MBNL1: variants seen among roughly 807,000 people sequenced by gnomAD.
MBNL1 encodes muscleblind-like protein 1.
MBNL1 carries 8 observed loss-of-function variants against 42.2 expected under a neutral mutation model. The observed-to-expected ratio is 0.19, with a 90% CI of 0.11 to 0.34. The LOEUF (loss-of-function observed/expected upper bound fraction) is 0.34, where lower values mean the gene tolerates loss of function less well. Among genes scored for constraint, MBNL1 ranks in the 10% least tolerant of loss-of-function variants. MBNL1 has a pLI of 1.00. For synonymous variants in MBNL1, 169 were observed against 173.9 expected, an observed-to-expected ratio of 0.97 and a Z score of 0.22; for missense variants, 309 against 495.3, an observed-to-expected ratio of 0.62 and a Z score of 3.57.
intron 2 of MBNL1, among the ~76,000 whole-genome samples, chr3:152,312,109 G>C (rs549271627): frequency 2.7e-5 from 4 of 149,698 alleles, no homozygotes; most frequent in South Asian, 2.1e-4. Flanking sequence ...GGAGAATGGC[G>C]TGAACCCGGG....
chr3:152,348,279 T>C (rs1282721968), intron 2 of MBNL1, among the ~76,000 whole-genome samples: 1 of 152,132 alleles, frequency 6.6e-6, no homozygotes, highest in Non-Finnish European at 1.5e-5. Flanking sequence ...TTTTATTTGC[T>C]CAAACAGGTG....
intron 6 of MBNL1, among the ~76,000 whole-genome samples, chr3:152,452,448 G>A (rs1402173605): frequency 3.3e-5 from 5 of 152,158 alleles, no homozygotes; most frequent in Non-Finnish European, 5.9e-5. Context: ...GTACAGTCTA[G>A]TATTCTCAGA....
At chr3:152,445,827 A>G (rs1483882078) in intron 5 of MBNL1, among the ~76,000 whole-genome samples, 1 of 152,144 alleles carries the variant, frequency 6.6e-6, no homozygotes, top group Non-Finnish European at 1.5e-5. Flanking sequence ...TCTCCTTTTC[A>G]ACTTAACGAT....
intron 2 of MBNL1, among the ~76,000 whole-genome samples, chr3:152,303,037 T>A (rs78901367): frequency 1.4e-5 from 2 of 143,052 alleles, no homozygotes; most frequent in Admixed American, 7.0e-5. Context: ...AAAAAAAAAA[T>A]AAGTCAAACA....
At chr3:152,403,622 C>G (rs1419993599) in intron 2 of MBNL1, among the ~76,000 whole-genome samples, 2 of 152,088 alleles carry the variant, frequency 1.3e-5, no homozygotes, top group Non-Finnish European at 2.9e-5. Flanking sequence ...ATTTGGGGAA[C>G]TGCCCTAGAA....
chr3:152,282,243 A>G (rs904664943), intron 1 of MBNL1, among the ~76,000 whole-genome samples: 6 of 152,176 alleles, frequency 3.9e-5, no homozygotes, highest in Non-Finnish European at 7.4e-5. Context: ...GCAAATTTAA[A>G]GTTTTAACTT....
chr3:152,359,647 A>G (rs1440121489), intron 2 of MBNL1, among the ~76,000 whole-genome samples: 2 of 152,166 alleles, frequency 1.3e-5, no homozygotes, highest in African/African-American at 4.8e-5. Context: ...GAATCCCAGG[A>G]TTTTCATTCT....
intron 2 of MBNL1, among the ~76,000 whole-genome samples, chr3:152,342,957 G>A (rs564761507): frequency 2.6e-5 from 4 of 152,308 alleles, no homozygotes; most frequent in Admixed American, 2.6e-4. Context: ...AAATTGGGAT[G>A]CATAGTTAGT....
intron 1 of MBNL1, among the ~76,000 whole-genome samples, chr3:152,293,193 A>G (rs1173869340): frequency 6.6e-6 from 1 of 152,210 alleles, no homozygotes; most frequent in East Asian, 1.9e-4. Flanking sequence ...GCATCACCTG[A>G]AATTGCCATG....
At chr3:152,246,269 A>G (rs2032985219) in intron 2 of MBNL1, among the ~76,000 whole-genome samples, 1 of 152,190 alleles carries the variant, frequency 6.6e-6, no homozygotes, top group African/African-American at 2.4e-5. Flanking sequence ...AGATTACAAT[A>G]TAAATTGGTC....
chr3:152,445,985 C>T (rs1258129544), intron 5 of MBNL1, among the ~76,000 whole-genome samples: 3 of 152,082 alleles, frequency 2.0e-5, no homozygotes, highest in Non-Finnish European at 4.4e-5. Context: ...GAGAATTGTT[C>T]AACAAAATTG....
intron 2 of MBNL1, among the ~76,000 whole-genome samples, chr3:152,386,505 T>C (rs2097430484): frequency 6.6e-6 from 1 of 152,120 alleles, no homozygotes; most frequent in African/African-American, 2.4e-5. Flanking sequence ...TTGTTAGAAA[T>C]GCTTCACAAA....
At chr3:152,277,723 A>G (rs2046111028) in intron 1 of MBNL1, among the ~76,000 whole-genome samples, 1 of 152,152 alleles carries the variant, frequency 6.6e-6, no homozygotes, top group Non-Finnish European at 1.5e-5. Flanking sequence ...GGTTTAAAAT[A>G]GTTTAAACAG....
intron 2 of MBNL1, among the ~76,000 whole-genome samples, chr3:152,389,174 C>T (rs922616812): frequency 3.9e-5 from 6 of 152,060 alleles, no homozygotes; most frequent in Admixed American, 2.0e-4. Context: ...CCACAACCTC[C>T]GCCTCCCAGG....
At chr3:152,400,380 G>T (rs548699511) in intron 2 of MBNL1, among the ~76,000 whole-genome samples, 1 of 152,268 alleles carries the variant, frequency 6.6e-6, no homozygotes, top group South Asian at 2.1e-4. Flanking sequence ...AAGCAATATT[G>T]TCAGGTTAAC....
Position 152,415,090 on chromosome 3 carries a change from T to A in MBNL1, c.324T>A (p.Pro108=). Residue 108 remains proline (P), a synonymous_variant, in exon 3 of 10, where the codon CCT becomes CCA. Transcript: ENST00000324210. ...TGCAACTAGCCAATGCCATGATGCC[T>A]GGTGCCCCATTACAACCCGTGGTAA... ...QQMQLANAMM[P]GAPLQPVPMF... is the part of the protein sequence containing the mutation. 6.3e-7 allele frequency: 1 copy of A among 1,592,224 alleles called. No homozygotes were observed. The highest frequency in any genetic ancestry group is 8.5e-7 in the Non-Finnish European group (1 of 1,171,998).
rs184934543 is a variant in MBNL1, at chr3:152,359,943, G to A, written c.175-54998G>A. 6.6e-5 allele frequency among the ~76,000 whole-genome samples: 10 copies of A among 152,284 alleles called. No individual in the cohort carries two copies. The East Asian group carries it at 1.9e-3, about 29-fold the overall frequency. Reference sequence around the variant, plus strand: ...TAATACACAGAAGCTATTTACAAGTGAGATTTAAAAATTATACTTACTGCC... The same window carrying A: ...TAATACACAGAAGCTATTTACAAGTAAGATTTAAAAATTATACTTACTGCC... On this transcript the variant is annotated intron_variant, in intron 2 of 9. Transcript: ENST00000324210.
In MBNL1 at chr3:152,315,959, G is replaced by A. The variant is rs545760329; in HGVS notation, c.174+15592G>A. On this transcript the variant is annotated intron_variant, in intron 2 of 9. Coordinates refer to ENST00000324210, the MANE Select transcript of MBNL1 (RefSeq NM_021038.5). ...TCTTATGGAAATATTAAATCAGGAA[G>A]AATTTCTGAAGTTCTCATAATAAAA... 5.9e-4 allele frequency among the ~76,000 whole-genome samples: 90 copies of A among 151,904 alleles called. 1 individual carries two copies. The highest frequency in any genetic ancestry group is 6.8e-4 in the Non-Finnish European group (46 of 67,948).
At chr3:152,445,231 GCTT>G (rs752679019) in intron 4 of MBNL1, 48 bp from the exon 5 acceptor site, 43 of 1,518,212 alleles carry the variant, frequency 2.8e-5, no homozygotes, top group East Asian at 1.1e-4. Context: ...TCTTCAGAAA[GCTT>G]CTTCTTCTTC....
Sources: gnomAD v4.1 joint callset for allele counts (sites outside exome capture counted in the v4.1 genomes callset) on GRCh38, gnomAD v4.1.1 for gene constraint, MANE v1.5 for transcripts, NCBI Gene and HGNC (gene_info 2026-07-23, HGNC 2026-07-21) for gene names.